TBXAS1: variants seen among roughly 807,000 people sequenced by gnomAD.
TBXAS1 encodes the protein thromboxane-A synthase.
TBXAS1 carries 48 observed loss-of-function variants against 60.7 expected under a neutral mutation model. The ratio of observed to expected loss-of-function variants is 0.79; its 90% confidence interval spans 0.63 to 1.01. The LOEUF is 1.01. TBXAS1 is among the 50% of genes least tolerant of loss of function. The pLI is 0.00. For missense variants in TBXAS1, 685 were observed against 686.3 expected, an observed-to-expected ratio of 1.00 and a Z score of 0.02; for synonymous variants, 287 against 269.7, an observed-to-expected ratio of 1.06 and a Z score of -0.63.
intron 1 of TBXAS1, among the ~76,000 whole-genome samples, chr7:139,861,746 T>C (rs1451150849): frequency 1.3e-5 from 2 of 152,246 alleles, no homozygotes; most frequent in Non-Finnish European, 1.5e-5. Flanking sequence ...ATTTGATGTG[T>C]TTTGGTCCAT....
intron 4 of TBXAS1, among the ~76,000 whole-genome samples, chr7:139,810,516 T>A (rs367839027): frequency 2.6e-5 from 4 of 152,208 alleles, no homozygotes; most frequent in Non-Finnish European, 4.4e-5. Flanking sequence ...GTATTGACAA[T>A]GTTTTTTGAG....
intron 5 of TBXAS1, among the ~76,000 whole-genome samples, chr7:139,951,882 A>G (rs1360327404): frequency 0.018 from 915 of 50,266 alleles, 91 homozygotes; most frequent in African/African-American, 0.078. Context: ...AAGGAAGGAA[A>G]GAAGGAAGGA....
At chr7:139,956,535 T>C (rs1169367725) in intron 7 of TBXAS1, among the ~76,000 whole-genome samples, 1 of 152,266 alleles carries the variant, frequency 6.6e-6, no homozygotes, top group Non-Finnish European at 1.5e-5. Context: ...CGTGTTGTTA[T>C]GCTTGGTATT....
At chr7:139,841,524 G>T (rs542936197) in intron 1 of TBXAS1, among the ~76,000 whole-genome samples, 2 of 150,262 alleles carry the variant, frequency 1.3e-5, no homozygotes, top group Admixed American at 6.6e-5. Flanking sequence ...TCTAGGATAT[G>T]ATGGGTACTT....
Position 140,015,767 on chromosome 7 carries a change from G to C in TBXAS1, c.1271G>C (p.Arg424Pro), listed in dbSNP as rs781107536. 6.2e-7 allele frequency: 1 copy of C among 1,613,430 alleles called. No homozygotes were observed. The highest frequency in any genetic ancestry group is 8.5e-7 in the Non-Finnish European group (1 of 1,180,032). ...AAQDCEVLGQ[R>P]IPAGAVLEMA... ...CAGGACTGCGAGGTGCTGGGGCAGC[G>C]CATCCCCGCAGGCGCTGTGCTAGAG... is the stretch of plus-strand genomic sequence containing the variant. The change falls in exon 11 of 13, where the codon CGC (arginine) becomes CCC (proline). Residue 424 changes from arginine to proline, a missense_variant. Arg to Pro is a moderately radical substitution (Grantham distance 103, BLOSUM62 -2). Transcript: ENST00000448866.
In TBXAS1 at chr7:139,999,473, G is replaced by A. The variant is rs545993248; in HGVS notation, c.1135-7618G>A. On this transcript the variant is annotated intron_variant, in intron 9 of 12. Coordinates refer to ENST00000448866, the MANE Select transcript of TBXAS1 (RefSeq NM_001061.7). The surrounding 1 kb of genome is among the most constrained non-coding windows in gnomAD (Gnocchi z 4.3). The stretch of plus-strand genomic sequence containing the variant: ...CGGGAGGTGGAGGTTGCAGTGAGCC[G>A]AGATTGTACCATTGCACTCCAGCCT... Among the ~76,000 whole-genome samples the A allele has an allele frequency of 3.3e-5, 5 of 152,272 alleles. No individual in the cohort carries two copies. The highest frequency in any genetic ancestry group is 2.1e-4 in the South Asian group (1 of 4,828).
chr7:140,003,460 C>T (rs1312815256), intron 9 of TBXAS1, among the ~76,000 whole-genome samples: 2 of 152,200 alleles, frequency 1.3e-5, no homozygotes, highest in Admixed American at 6.5e-5. Flanking sequence ...CCACCTCGGC[C>T]TCCCAAAGTG....
intron 4 of TBXAS1, among the ~76,000 whole-genome samples, chr7:139,813,363 C>T (rs61482505): frequency 0.03 from 4,585 of 152,250 alleles, 222 homozygotes; most frequent in African/African-American, 0.1. Flanking sequence ...GTAACTCGCT[C>T]TGCACAGCCA....
At position 139,848,267 on chromosome 7, in the gene TBXAS1, G is replaced by A. The variant is rs1429303856; in HGVS notation, c.89+18788G>A. Among the ~76,000 whole-genome samples the A allele has an allele frequency of 2.6e-5, 4 of 152,168 alleles. No individual in the cohort carries two copies. The East Asian group carries it at 7.7e-4, about 29-fold the overall frequency. ...TCCAAAGTACTGGGATTACAGGCAT[G>A]AGCCACCATGCCTGGCCGCTTTGCA... On this transcript the variant is annotated intron_variant, in intron 1 of 12. Coordinates refer to ENST00000448866, the MANE Select transcript of TBXAS1 (RefSeq NM_001061.7).
At chr7:139,893,765 C>T (rs1175096606) in intron 3 of TBXAS1, among the ~76,000 whole-genome samples, 2 of 152,200 alleles carry the variant, frequency 1.3e-5, no homozygotes, top group African/African-American at 4.8e-5. Flanking sequence ...TACCCATGCT[C>T]ACACTGGCAG....
At chr7:139,800,409 G>C (rs1797689659) in intron 4 of TBXAS1, among the ~76,000 whole-genome samples, 1 of 151,922 alleles carries the variant, frequency 6.6e-6, no homozygotes, top group African/African-American at 2.4e-5. Flanking sequence ...CCTCCTCCCT[G>C]CTTTTTGATC....
intron 4 of TBXAS1, among the ~76,000 whole-genome samples, chr7:139,795,953 C>T (rs375594271): frequency 1.3e-5 from 2 of 152,036 alleles, no homozygotes; most frequent in Non-Finnish European, 2.9e-5. Flanking sequence ...TTCTTAATTT[C>T]GTGGGGGGCA....
chr7:139,779,691 C>T (rs538172112), intron 1 of TBXAS1, among the ~76,000 whole-genome samples: 36 of 152,258 alleles, frequency 2.4e-4, no homozygotes, highest in Admixed American at 5.2e-4. Context: ...CTTCATAATA[C>T]GTGGTTCTGG....
chr7:139,872,799 T>C (rs991669447), intron 2 of TBXAS1, among the ~76,000 whole-genome samples: 8 of 152,342 alleles, frequency 5.3e-5, no homozygotes, highest in African/African-American at 1.9e-4. Context: ...CCTCTACTTA[T>C]ATGAATTGTT....
At chr7:139,942,007 T>G (rs1330045946) in intron 5 of TBXAS1, among the ~76,000 whole-genome samples, 4 of 152,368 alleles carry the variant, frequency 2.6e-5, no homozygotes, top group African/African-American at 9.6e-5. Context: ...CTGTTCTGAT[T>G]TGAAAGATAT....
In TBXAS1 at chr7:139,950,675, ACGGGACCCCC is replaced by A. The variant is rs1412205298; in HGVS notation, c.451-2692_451-2683del. Among the ~76,000 whole-genome samples, 896 of 126,264 alleles carry A rather than the reference ACGGGACCCCC, an allele frequency of 7.1e-3. 4 individuals carry two copies. Among genetic ancestry groups the A allele is most frequent in the Non-Finnish European group, 0.011 (661 of 57,776 alleles). 82.8% of individuals were successfully genotyped at this position (126,264 alleles called of 152,430 possible). A position where few individuals can be genotyped will look rare whatever the true frequency, so the allele number is the denominator to read the frequency against. On this transcript the variant is annotated intron_variant, in intron 5 of 12. Coordinates refer to ENST00000448866, the MANE Select transcript of TBXAS1 (RefSeq NM_001061.7). ...TACAGGACTCCCTCACCCTCCATCT[ACGGGACCCCC>A]TCGCCCTCCATCTACGGGACCCCCT...
Position 139,950,688 on chromosome 7 carries a change from GC to G in TBXAS1, c.451-2677del, listed in dbSNP as rs1809154075. On this transcript the variant is annotated intron_variant, in intron 5 of 12. Transcript: ENST00000448866. ...CACCCTCCATCTACGGGACCCCCTC[GC>G]CCTCCATCTACGGGACCCCCTCGCC... Among the ~76,000 whole-genome samples the G allele has an allele frequency of 4.2e-5, 6 of 144,042 alleles. No individual in the cohort carries two copies. In the South Asian group the frequency reaches 1.3e-3, roughly 32 times the overall value. The allele number at this position is 144,042 out of a possible 152,430, so 94.5% of individuals were successfully genotyped here. A position where few individuals can be genotyped will look rare whatever the true frequency, so the allele number is the denominator to read the frequency against.
chr7:139,792,898 T>C (rs559158705), intron 4 of TBXAS1, among the ~76,000 whole-genome samples: 4 of 152,106 alleles, frequency 2.6e-5, no homozygotes, highest in African/African-American at 4.8e-5. Flanking sequence ...CAAAGCAAGA[T>C]GGTAAAGGAA....
chr7:139,878,649 T>G (rs2116855023), intron 3 of TBXAS1, among the ~76,000 whole-genome samples: 1 of 152,366 alleles, frequency 6.6e-6, no homozygotes, highest in South Asian at 2.1e-4. Flanking sequence ...ACTCTAAATG[T>G]TATTTTCTTA....
Sources: allele counts gnomAD v4.1 joint callset (sites outside exome capture counted in the v4.1 genomes callset), GRCh38; gene constraint gnomAD v4.1.1; non-coding constraint Gnocchi (gnomAD v3.1); transcripts MANE v1.5; gene names NCBI Gene and HGNC (gene_info 2026-07-23, HGNC 2026-07-21).